The following SMCO4 variants were observed in gnomAD, a reference collection of about 807,000 sequenced individuals.
SMCO4 encodes single-pass membrane and coiled-coil domain-containing protein 4.
Under a neutral mutation model 3.6 loss-of-function variants are expected in SMCO4, and 4 were observed. The ratio of observed to expected loss-of-function variants is 1.11; its 90% CI spans 0.54 to 2.53. SMCO4 has a LOEUF of 2.53. Among genes scored for constraint, SMCO4 ranks in the 30% most tolerant of loss-of-function variants. The pLI, the probability that SMCO4 is intolerant of heterozygous loss-of-function variation, is 0.02. For missense variants in SMCO4, 70 were observed against 80.8 expected, an observed-to-expected ratio of 0.87 and a Z score of 0.51; for synonymous variants, 36 against 35.3, an observed-to-expected ratio of 1.02 and a Z score of -0.07.
chr11:93,550,841 C>G, the SMCO4 span, among the ~76,000 whole-genome samples: 1,030 of 152,260 alleles, frequency 6.8e-3, 12 homozygotes, highest in African/African-American at 0.023. Context: ...TAAAAAATAA[C>G]ACTTAATTAC....
Position 93,478,995 on chromosome 11 carries a change from A to C in SMCO4, c.*15T>G. ...TCCTCTCCCTGCCGATGGGGTCCGC[A>C]GCCGGCTGCGGGGCTCACTCGGTGA... On this transcript the variant is annotated 3_prime_UTR_variant, in exon 3 of 3. Coordinates refer to ENST00000298966, the MANE Select transcript of SMCO4 (RefSeq NM_020179.3). The C allele has an allele frequency of 6.3e-7, 1 of 1,589,342 alleles. No individual in the cohort carries two copies.
intron 1 of SMCO4, among the ~76,000 whole-genome samples, chr11:93,518,312 T>C (rs1407478375): frequency 6.6e-6 from 1 of 152,242 alleles, no homozygotes; most frequent in Non-Finnish European, 1.5e-5. Flanking sequence ...AACATTCCAT[T>C]GTACAGATAT....
intron 1 of SMCO4, among the ~76,000 whole-genome samples, chr11:93,532,867 T>G (rs1349698914): frequency 6.6e-6 from 1 of 152,156 alleles, no homozygotes; most frequent in Admixed American, 6.5e-5. Flanking sequence ...AATAAACATG[T>G]CGTGTATTTT....
At chr11:93,518,784 C>A (rs1949032112) in intron 1 of SMCO4, among the ~76,000 whole-genome samples, 1 of 152,182 alleles carries the variant, frequency 6.6e-6, no homozygotes, top group East Asian at 1.9e-4. Context: ...AAAAATCACA[C>A]CTAAGCCAGG....
the SMCO4 span, among the ~76,000 whole-genome samples, chr11:93,549,080 G>C: frequency 2.6e-5 from 4 of 152,140 alleles, no homozygotes; most frequent in Admixed American, 1.3e-4. Flanking sequence ...TAGTTTTCCT[G>C]CCCTGAGACT....
intron 1 of SMCO4, 137 bp from the exon 2 acceptor site, chr11:93,499,485 A>C (rs1466071667): frequency 6.6e-6 from 1 of 152,160 alleles, no homozygotes; most frequent in Non-Finnish European, 1.5e-5. Flanking sequence ...TTAGGGATAG[A>C]CACTTGTCAC....
chr11:93,535,547 A>T, intron 1 of SMCO4: 1 of 1,445,300 alleles, frequency 6.9e-7, no homozygotes, highest in South Asian at 1.1e-5. Context: ...AGGCAGCATC[A>T]TATCACCTTG....
rs117465878 is a variant in SMCO4, at chr11:93,502,131, A to G, written c.-153-2783T>C. ...GCAGGAGCTACCCCTTCCCCACCCC[A>G]TACTCCTGTCCCTCACATGGCCTTA... On this transcript the variant is annotated intron_variant, in intron 1 of 2. Coordinates refer to ENST00000298966, the MANE Select transcript of SMCO4 (RefSeq NM_020179.3). 6.2e-3 allele frequency among the ~76,000 whole-genome samples: 939 copies of G among 152,130 alleles called. 6 individuals carry two copies. The highest frequency in any genetic ancestry group is 0.01 in the Non-Finnish European group (690 of 67,976).
At chr11:93,533,377 T>C (rs1410683933) in intron 1 of SMCO4, among the ~76,000 whole-genome samples, 5 of 152,128 alleles carry the variant, frequency 3.3e-5, no homozygotes, top group Non-Finnish European at 7.4e-5. Flanking sequence ...CGGCAGACCT[T>C]TGTAAAGTGC....
chr11:93,536,776 A>G (rs1480465646), intron 1 of SMCO4, among the ~76,000 whole-genome samples: 1 of 152,162 alleles, frequency 6.6e-6, no homozygotes, highest in Non-Finnish European at 1.5e-5. Flanking sequence ...CATATTACCT[A>G]TATGATTTCA....
intron 1 of SMCO4, among the ~76,000 whole-genome samples, chr11:93,540,171 A>G (rs995819631): frequency 6.6e-6 from 1 of 152,072 alleles, no homozygotes; most frequent in Non-Finnish European, 1.5e-5. Context: ...TAAGTACAAA[A>G]AGTACTTTAA....
At chr11:93,518,763 A>G (rs1949031775) in intron 1 of SMCO4, among the ~76,000 whole-genome samples, 2 of 152,202 alleles carry the variant, frequency 1.3e-5, no homozygotes, top group Admixed American at 1.3e-4. Context: ...TCTCCAGGAT[A>G]TTTTTAACAA....
At chr11:93,553,023 G>A in the SMCO4 span, among the ~76,000 whole-genome samples, 1 of 152,226 alleles carries the variant, frequency 6.6e-6, no homozygotes, top group South Asian at 2.1e-4. Context: ...CCTGGCCACA[G>A]ATGGAGCTTA....
chr11:93,540,654 G>A (rs965381669), intron 1 of SMCO4, among the ~76,000 whole-genome samples: 45 of 152,138 alleles, frequency 3.0e-4, no homozygotes, highest in African/African-American at 9.7e-4. Context: ...TACCAGAGTC[G>A]TGCCATCTCT....
At chr11:93,515,677 C>T (rs1185642526) in intron 1 of SMCO4, among the ~76,000 whole-genome samples, 2 of 152,210 alleles carry the variant, frequency 1.3e-5, no homozygotes, top group Admixed American at 6.5e-5. Flanking sequence ...CCAGCTTTCT[C>T]CTCCAGACAG....
chr11:93,495,901 GA>G (rs1211652655), intron 2 of SMCO4, among the ~76,000 whole-genome samples: 2 of 152,204 alleles, frequency 1.3e-5, no homozygotes, highest in African/African-American at 4.8e-5. Flanking sequence ...ATTGCGTTTG[GA>G]AAATTGAAGT....
chr11:93,506,714 T>C (rs1271987659), intron 1 of SMCO4, among the ~76,000 whole-genome samples: 1 of 152,202 alleles, frequency 6.6e-6, no homozygotes, highest in Non-Finnish European at 1.5e-5. Flanking sequence ...GTGCTGGGAT[T>C]ACAGGCATGA....
At chr11:93,518,132 T>C (rs952412085) in intron 1 of SMCO4, among the ~76,000 whole-genome samples, 1 of 152,154 alleles carries the variant, frequency 6.6e-6, no homozygotes, top group Non-Finnish European at 1.5e-5. Flanking sequence ...CTGGAAACCA[T>C]TACTTTGCTT....
intron 1 of SMCO4, among the ~76,000 whole-genome samples, chr11:93,503,656 C>T (rs1425293678): frequency 1.3e-5 from 2 of 152,138 alleles, no homozygotes; most frequent in African/African-American, 2.4e-5. Context: ...CAGACACACA[C>T]TGTGAAAACT....
Sources: gnomAD v4.1 joint callset for allele counts (sites outside exome capture counted in the v4.1 genomes callset) on GRCh38, gnomAD v4.1.1 for gene constraint, MANE v1.5 for transcripts, NCBI Gene and HGNC (gene_info 2026-07-23, HGNC 2026-07-21) for gene names.